Variants in STK32B observed in about 807,000 individuals in gnomAD.
STK32B encodes the protein serine/threonine kinase 32B.
In STK32B, 43 loss-of-function variants were observed where a neutral mutation model predicts 52.6. The ratio of observed to expected loss-of-function variants is 0.82; its 90% CI spans 0.64 to 1.05. The LOEUF is 1.05. Among genes scored for constraint, STK32B ranks in the 50% least tolerant of loss-of-function variants. The pLI is 0.00. For missense variants in STK32B, 621 were observed against 534.6 expected (o/e 1.16, Z -1.59); for synonymous variants, 238 against 204.3 (o/e 1.17, Z -1.41).
At chr4:5,267,839 T>C (rs1474696531) in intron 3 of STK32B, among the ~76,000 whole-genome samples, 1 of 152,192 alleles carries the variant, frequency 6.6e-6, no homozygotes, top group African/African-American at 2.4e-5. Context: ...AATATGTGAA[T>C]CCTTCATCTG....
chr4:5,264,659 C>T lies in STK32B; in HGVS notation c.261-66561C>T, dbSNP rs1056670039. On this transcript the variant is annotated intron_variant, in intron 3 of 11. Transcript: ENST00000282908. Reference sequence around the variant, plus strand: ...AAAAATAGCCGGGCATGGTGGCGGGCGCCTGTAGTCCCAGCTGCTCGGGAG... The same window carrying T: ...AAAAATAGCCGGGCATGGTGGCGGGTGCCTGTAGTCCCAGCTGCTCGGGAG... 5.9e-5 allele frequency among the ~76,000 whole-genome samples: 9 copies of T among 151,708 alleles called. No individual in the cohort carries two copies. In the South Asian group the frequency reaches 1.0e-3, roughly 18 times the overall value.
chr4:5,379,292 C>T (rs1374805838), intron 4 of STK32B, among the ~76,000 whole-genome samples: 2 of 152,104 alleles, frequency 1.3e-5, no homozygotes, highest in Non-Finnish European at 2.9e-5. Flanking sequence ...ACCAGGGCCC[C>T]CTTGTATCCA....
intron 3 of STK32B, among the ~76,000 whole-genome samples, chr4:5,267,265 C>T (rs1727113483): frequency 6.6e-6 from 1 of 152,136 alleles, no homozygotes; most frequent in African/African-American, 2.4e-5. Flanking sequence ...AGGCTGGGTG[C>T]AATGCCATTG....
chr4:5,117,393 C>T lies in STK32B; in HGVS notation c.53-22512C>T, dbSNP rs992527708. On this transcript the variant is annotated intron_variant, in intron 1 of 11. Transcript: ENST00000282908. ...CTTTTTCTGCATCTGTTTAGATGATCATATGATTTTTTTTTCTCCAGCACT... is the reference window on the plus strand; with the variant it reads ...CTTTTTCTGCATCTGTTTAGATGATTATATGATTTTTTTTTCTCCAGCACT... 4.3e-5 allele frequency among the ~76,000 whole-genome samples: 5 copies of T among 115,754 alleles called. No homozygotes were observed. In the East Asian group the frequency reaches 1.5e-3, roughly 35 times the overall value. The allele number at this position is 115,754 out of a possible 152,430, so 75.9% of individuals were successfully genotyped here.
chr4:5,205,852 C>T (rs1722543078), intron 3 of STK32B, among the ~76,000 whole-genome samples: 1 of 152,146 alleles, frequency 6.6e-6, no homozygotes, highest in Non-Finnish European at 1.5e-5. Flanking sequence ...CGATTCTCAT[C>T]TCCCATCCTC....
At chr4:5,363,812 T>C (rs1446577085) in intron 4 of STK32B, among the ~76,000 whole-genome samples, 5 of 152,194 alleles carry the variant, frequency 3.3e-5, no homozygotes, top group African/African-American at 1.2e-4. Context: ...TCCTTTGAAG[T>C]GTTTACCCAT....
chr4:5,067,818 G>A (rs564984226), intron 1 of STK32B, among the ~76,000 whole-genome samples: 2 of 152,182 alleles, frequency 1.3e-5, no homozygotes, highest in African/African-American at 4.8e-5. Flanking sequence ...TTTCTATCAT[G>A]GCGGAAGGCG....
the STK32B span, among the ~76,000 whole-genome samples, chr4:5,020,157 C>T: frequency 6.6e-6 from 1 of 152,170 alleles, no homozygotes; most frequent in Admixed American, 6.5e-5. Context: ...GAGAGCAGAC[C>T]CTCAGGAAGG....
intron 3 of STK32B, among the ~76,000 whole-genome samples, chr4:5,289,590 C>A (rs542416971): frequency 6.6e-6 from 1 of 151,810 alleles, no homozygotes; most frequent in East Asian, 1.9e-4. Flanking sequence ...AACAAAATGG[C>A]TCACTGCAAG....
At chr4:5,187,663 A>G (rs1465934634) in intron 3 of STK32B, among the ~76,000 whole-genome samples, 1 of 152,160 alleles carries the variant, frequency 6.6e-6, no homozygotes, top group Non-Finnish European at 1.5e-5. Flanking sequence ...TCCATGGTGT[A>G]AATAGTTTCT....
intron 3 of STK32B, among the ~76,000 whole-genome samples, chr4:5,206,337 G>T (rs1722576973): frequency 6.6e-6 from 1 of 152,152 alleles, no homozygotes; most frequent in Non-Finnish European, 1.5e-5. Context: ...GAGGGTATTT[G>T]CAGGAATATC....
At chr4:5,156,102 T>C (rs988138841) in intron 2 of STK32B, among the ~76,000 whole-genome samples, 6 of 151,772 alleles carry the variant, frequency 4.0e-5, no homozygotes, top group Non-Finnish European at 8.8e-5. Context: ...CATATACATA[T>C]ATACACTCAA....
intron 6 of STK32B, chr4:5,437,872 G>A (rs186386339): frequency 2.0e-6 from 2 of 976,652 alleles, no homozygotes; most frequent in Admixed American, 6.1e-5. Context: ...AACAGCCAAT[G>A]ACATCATTTT....
Position 5,364,183 on chromosome 4 carries a change from A to G in STK32B, c.434+32790A>G, listed in dbSNP as rs1177894704. On this transcript the variant is annotated intron_variant, in intron 4 of 11. Coordinates refer to ENST00000282908, the MANE Select transcript of STK32B (RefSeq NM_018401.3). ...GACCCCCTTAATTCTCACTTTTCCC[A>G]CTGGTGCTTTAAGCTGCCAGGGTAC... Among the ~76,000 whole-genome samples the G allele has an allele frequency of 5.9e-5, 9 of 152,246 alleles. No individual in the cohort carries two copies. The East Asian group carries it at 1.7e-3, about 29-fold the overall frequency.
intron 1 of STK32B, among the ~76,000 whole-genome samples, chr4:5,111,502 C>T (rs1714403618): frequency 6.6e-6 from 1 of 152,036 alleles, no homozygotes; most frequent in Non-Finnish European, 1.5e-5. Flanking sequence ...CCTAAGTGAA[C>T]TAACACAGAA....
intron 1 of STK32B, among the ~76,000 whole-genome samples, chr4:5,130,931 C>T (rs1448673322): frequency 6.6e-6 from 1 of 152,160 alleles, no homozygotes. Flanking sequence ...TGTATATGCT[C>T]AGTGTCTTGT....
the STK32B span, among the ~76,000 whole-genome samples, chr4:5,024,541 C>A: frequency 6.6e-6 from 1 of 152,222 alleles, no homozygotes; most frequent in Non-Finnish European, 1.5e-5. Flanking sequence ...CATCCCAAAG[C>A]CAGGCCCTGT....
intron 3 of STK32B, among the ~76,000 whole-genome samples, chr4:5,186,246 G>T (rs115048642): frequency 0.017 from 2,542 of 152,238 alleles, 35 homozygotes; most frequent in Non-Finnish European, 0.023. Flanking sequence ...CGCAGATCCT[G>T]TTATGGCATA....
At chr4:5,095,960 G>A (rs775437777) in intron 1 of STK32B, among the ~76,000 whole-genome samples, 4 of 152,168 alleles carry the variant, frequency 2.6e-5, no homozygotes, top group Admixed American at 6.5e-5. Context: ...CTGGTTACAC[G>A]TGAACTGGAA....
Sources: allele counts gnomAD v4.1 joint callset (sites outside exome capture counted in the v4.1 genomes callset), GRCh38; gene constraint gnomAD v4.1.1; transcripts MANE v1.5; gene names NCBI Gene and HGNC (gene_info 2026-07-23, HGNC 2026-07-21).